The following UMAD1 variants were observed in gnomAD, a reference collection of about 807,000 sequenced individuals.
UMAD1 encodes the protein UBAP1-MVB12-associated (UMA)-domain containing protein 1.
A neutral mutation model predicts 6.1 loss-of-function variants in UMAD1; 8 were observed. The observed-to-expected ratio is 1.30, with a 90% CI of 0.76 to 2.35. UMAD1 has a LOEUF of 2.35. Among genes scored for constraint, UMAD1 ranks in the 30% most tolerant of loss-of-function variants. The probability of loss-of-function intolerance (pLI) is 0.00; values close to 1 mark genes in which losing one functional copy is unlikely to be tolerated. For missense variants in UMAD1, 130 were observed against 78.4 expected, an observed-to-expected ratio of 1.66 and a Z score of -2.49; for synonymous variants, 56 against 31.4, an observed-to-expected ratio of 1.78 and a Z score of -2.61.
chr7:7,684,694 A>G (rs554383386), intron 2 of UMAD1, among the ~76,000 whole-genome samples: 3 of 152,214 alleles, frequency 2.0e-5, no homozygotes, highest in African/African-American at 7.2e-5. Flanking sequence ...CTGATCTATG[A>G]CTCTTTCTGG....
At chr7:7,778,277 AGAG>A (rs1563198524) in intron 2 of UMAD1, among the ~76,000 whole-genome samples, 72 of 108,482 alleles carry the variant, frequency 6.6e-4, no homozygotes, top group East Asian at 3.0e-3. Flanking sequence ...TGTGTGTGTG[AGAG>A]AGAGAGAGAG....
rs78614805 is a variant in UMAD1, at chr7:7,836,768, T to C, written c.156+35025T>C. 5.7e-3 allele frequency among the ~76,000 whole-genome samples: 863 copies of C among 151,998 alleles called. 11 individuals carry two copies. The highest frequency in any genetic ancestry group is 0.019 in the African/African-American group (801 of 41,530). ...TAGACATAAGCAAAGAGAGATTTTA[T>C]AGGCTAGAAAACAGATCTGAAGGAT... On this transcript the variant is annotated intron_variant, in intron 3 of 3. Transcript: ENST00000682710.
At chr7:7,668,599 A>G (rs1779529060) in intron 1 of UMAD1, among the ~76,000 whole-genome samples, 1 of 152,208 alleles carries the variant, frequency 6.6e-6, no homozygotes, top group Non-Finnish European at 1.5e-5. Flanking sequence ...GTGAAACAAC[A>G]TGTAATGAAA....
chr7:7,843,297 C>G (rs1197885024), intron 3 of UMAD1, among the ~76,000 whole-genome samples: 4 of 152,170 alleles, frequency 2.6e-5, no homozygotes, highest in Admixed American at 2.0e-4. Context: ...GAAGTTGAAC[C>G]TCTTTCTTGG....
intron 2 of UMAD1, among the ~76,000 whole-genome samples, chr7:7,759,683 T>G (rs1018016029): frequency 6.6e-6 from 1 of 152,216 alleles, no homozygotes; most frequent in Non-Finnish European, 1.5e-5. Flanking sequence ...AAGGGAAATT[T>G]AAGCTGGTCC....
chr7:7,649,175 A>AGAAAAG (rs58651463), intron 1 of UMAD1, among the ~76,000 whole-genome samples: 1 of 104,604 alleles, frequency 9.6e-6, no homozygotes, highest in African/African-American at 3.9e-5. Flanking sequence ...AAAAAAAAAA[A>AGAAAAG]AAAAGAAAAG....
chr7:7,827,247 A>G (rs531307164), intron 3 of UMAD1, among the ~76,000 whole-genome samples: 1 of 151,912 alleles, frequency 6.6e-6, no homozygotes, highest in East Asian at 1.9e-4. Flanking sequence ...AGTAAAAATA[A>G]AATCACGTAG....
chr7:7,822,221 G>A (rs564483199), intron 3 of UMAD1, among the ~76,000 whole-genome samples: 200 of 152,206 alleles, frequency 1.3e-3, no homozygotes, highest in African/African-American at 4.4e-3. Flanking sequence ...TGGGCGCACT[G>A]AGAATAGTAC....
At chr7:7,756,935 T>G (rs1781790106) in intron 2 of UMAD1, among the ~76,000 whole-genome samples, 1 of 152,240 alleles carries the variant, frequency 6.6e-6, no homozygotes, top group African/African-American at 2.4e-5. Flanking sequence ...CTACAGTGTG[T>G]GGTACCTGCT....
intron 2 of UMAD1, among the ~76,000 whole-genome samples, chr7:7,751,304 A>G (rs1420797625): frequency 6.6e-6 from 1 of 152,216 alleles, no homozygotes; most frequent in East Asian, 1.9e-4. Flanking sequence ...TAGAGTTGGT[A>G]TGTTAAAATA....
chr7:7,686,619 C>G (rs921202208), intron 2 of UMAD1, among the ~76,000 whole-genome samples: 1 of 152,166 alleles, frequency 6.6e-6, no homozygotes, highest in Non-Finnish European at 1.5e-5. Flanking sequence ...AATTAATAAA[C>G]TTTCCAGAAC....
At chr7:7,728,250 T>G (rs564230182) in intron 2 of UMAD1, among the ~76,000 whole-genome samples, 34 of 152,298 alleles carry the variant, frequency 2.2e-4, no homozygotes, top group African/African-American at 7.9e-4. Flanking sequence ...TACCTCTACC[T>G]GGGAAAATCC....
At chr7:7,870,124 T>G (rs1784307518) in intron 3 of UMAD1, among the ~76,000 whole-genome samples, 1 of 152,200 alleles carries the variant, frequency 6.6e-6, no homozygotes, top group Admixed American at 6.5e-5. Flanking sequence ...ACAGGTTAAC[T>G]GATGAACAAG....
At chr7:7,748,956 A>G (rs1296154932) in intron 2 of UMAD1, among the ~76,000 whole-genome samples, 2 of 152,090 alleles carry the variant, frequency 1.3e-5, no homozygotes, top group South Asian at 2.1e-4. Flanking sequence ...TGGCTGTGCT[A>G]GAGATATCCT....
intron 3 of UMAD1, among the ~76,000 whole-genome samples, chr7:7,841,425 C>T (rs1477606629): frequency 6.6e-6 from 1 of 151,746 alleles, no homozygotes; most frequent in Admixed American, 6.6e-5. Flanking sequence ...ACCTCAGCCT[C>T]CCAAGTACAC....
At chr7:7,666,182 TTTTTTGTTTG>T (rs779077651) in intron 1 of UMAD1, among the ~76,000 whole-genome samples, 6 of 109,162 alleles carry the variant, frequency 5.5e-5, no homozygotes, top group Non-Finnish European at 8.0e-5. Context: ...TGGGAAAGTG[TTTTTTGTTTG>T]TTTGTTTGTT....
At chr7:7,766,157 C>A (rs1223944729) in intron 2 of UMAD1, among the ~76,000 whole-genome samples, 2 of 152,162 alleles carry the variant, frequency 1.3e-5, no homozygotes, top group Non-Finnish European at 1.5e-5. Context: ...TATAATAGAG[C>A]AGCCTTGTCA....
intron 3 of UMAD1, among the ~76,000 whole-genome samples, chr7:7,836,235 A>C (rs1464914266): frequency 2.0e-5 from 3 of 152,002 alleles, no homozygotes; most frequent in African/African-American, 7.2e-5. Flanking sequence ...GTGTTTACAT[A>C]TTACTTTATA....
intron 1 of UMAD1, among the ~76,000 whole-genome samples, chr7:7,642,760 G>T (rs1785003660): frequency 6.6e-6 from 1 of 152,170 alleles, no homozygotes; most frequent in East Asian, 1.9e-4. Flanking sequence ...CCAGTTACCA[G>T]TAAATTTTAC....
Sources: gnomAD v4.1 joint callset for allele counts (sites outside exome capture counted in the v4.1 genomes callset) on GRCh38, gnomAD v4.1.1 for gene constraint, MANE v1.5 for transcripts, NCBI Gene and HGNC (gene_info 2026-07-23, HGNC 2026-07-21) for gene names.